Variants in ABCC9 observed in about 807,000 individuals in gnomAD.
ABCC9 encodes the protein ATP binding cassette subfamily C member 9.
ABCC9 carries 95 observed loss-of-function variants against 188.3 expected under a neutral mutation model. The observed-to-expected ratio is 0.50, with a 90% CI of 0.43 to 0.60. The LOEUF (loss-of-function observed/expected upper bound fraction) is 0.60, where lower values mean the gene tolerates loss of function less well. Ranked by LOEUF, ABCC9 falls within the 20% of genes least tolerant of loss-of-function variation. The pLI is 0.00. For missense variants in ABCC9, 1,102 were observed against 1,876.3 expected (o/e 0.59, Z 7.62); for synonymous variants, 659 against 652.7 (o/e 1.01, Z -0.15).
rs920128456 is a variant in ABCC9 at position 21,799,103 on chromosome 12, G to C, written c.*1941C>G. Reference sequence around the variant, plus strand: ...CACACTCTGGGGACTGTGGTGGGGTGGGGGGAGTGGGGAGGGATAGCATTG... The same window carrying C: ...CACACTCTGGGGACTGTGGTGGGGTCGGGGGAGTGGGGAGGGATAGCATTG... On this transcript the variant is annotated 3_prime_UTR_variant, in exon 40 of 40. Coordinates refer to ENST00000261200, the MANE Select transcript of ABCC9 (RefSeq NM_020297.4). 1.2e-4 allele frequency: 18 copies of C among 148,342 alleles called. No homozygotes were observed. Among genetic ancestry groups the C allele is most frequent in the Non-Finnish European group, 2.2e-4 (15 of 66,946 alleles). The allele number at this position is 148,342 out of a possible 1,614,324, so 9.2% of individuals were successfully genotyped here. A position where few individuals can be genotyped will look rare whatever the true frequency, so the allele number is the denominator to read the frequency against.
intron 22 of ABCC9, among the ~76,000 whole-genome samples, chr12:21,857,872 A>G (rs2137481801): frequency 6.6e-6 from 1 of 152,338 alleles, no homozygotes; most frequent in Non-Finnish European, 1.5e-5. Context: ...ATAAGATAAT[A>G]TAATAAATCT....
At chr12:21,939,735 G>A (rs968917166) in intron 2 of ABCC9, among the ~76,000 whole-genome samples, 5 of 152,214 alleles carry the variant, frequency 3.3e-5, no homozygotes, top group Non-Finnish European at 7.3e-5. Context: ...TTGTTTATGA[G>A]AGGTGATAGA....
intron 12 of ABCC9, among the ~76,000 whole-genome samples, chr12:21,903,362 A>C (rs1363843975): frequency 3.3e-5 from 5 of 152,188 alleles, no homozygotes; most frequent in African/African-American, 1.2e-4. Flanking sequence ...CCCTTTGAAA[A>C]CTGGCACAAG....
intron 24 of ABCC9, among the ~76,000 whole-genome samples, chr12:21,849,807 T>G (rs1944868371): frequency 6.6e-6 from 1 of 152,160 alleles, no homozygotes; most frequent in South Asian, 2.1e-4. Flanking sequence ...TGAGGAGTGT[T>G]AAATAATACC....
chr12:21,854,834 C>T (rs1039170956), intron 22 of ABCC9, among the ~76,000 whole-genome samples: 1 of 152,130 alleles, frequency 6.6e-6, no homozygotes, highest in Non-Finnish European at 1.5e-5. Context: ...TTTGCAGTTA[C>T]TTAAAAATGA....
chr12:21,829,431 G>C (rs981231788), intron 30 of ABCC9, among the ~76,000 whole-genome samples: 3 of 152,010 alleles, frequency 2.0e-5, no homozygotes, highest in Non-Finnish European at 4.4e-5. Context: ...TCGATCTCCT[G>C]ACCTTGTGAT....
At chr12:21,844,703 T>C (rs1182934884) in intron 27 of ABCC9, 64 bp downstream of exon 27, 119 of 1,602,798 alleles carry the variant, frequency 7.4e-5, no homozygotes, top group Non-Finnish European at 9.9e-5. Context: ...ACATTCCACT[T>C]AAATTGAAAA....
At chr12:21,927,691 A>G (rs936712760) in intron 4 of ABCC9, among the ~76,000 whole-genome samples, 10 of 152,214 alleles carry the variant, frequency 6.6e-5, no homozygotes, top group Non-Finnish European at 1.3e-4. Context: ...AAGGTGTCCA[A>G]TAAGCATGCA....
chr12:21,902,036 C>T (rs928273750), intron 12 of ABCC9, among the ~76,000 whole-genome samples: 1 of 152,146 alleles, frequency 6.6e-6, no homozygotes, highest in Non-Finnish European at 1.5e-5. Context: ...AAATTGACCA[C>T]ATAGTTGGAA....
chr12:21,892,066 C>T (rs1331077597), intron 14 of ABCC9, among the ~76,000 whole-genome samples: 1 of 152,184 alleles, frequency 6.6e-6, no homozygotes. Flanking sequence ...TTCTGTTTGG[C>T]CTATGGCTTG....
chr12:21,913,201 G>T, intron 7 of ABCC9, 135 bp from the exon 8 acceptor site: 1 of 741,698 alleles, frequency 1.3e-6, no homozygotes, highest in Non-Finnish European at 2.1e-6. Context: ...ATGTTAATGT[G>T]TGCCTTTCAG....
At chr12:21,888,831 TAAAA>T (rs1947004324) in intron 14 of ABCC9, among the ~76,000 whole-genome samples, 1 of 151,908 alleles carries the variant, frequency 6.6e-6, no homozygotes, top group African/African-American at 2.4e-5. Flanking sequence ...ATCCTAGAAA[TAAAA>T]TAATATACAA....
At chr12:21,862,192 A>C (rs1363715919) in intron 20 of ABCC9, among the ~76,000 whole-genome samples, 1 of 152,040 alleles carries the variant, frequency 6.6e-6, no homozygotes, top group East Asian at 1.9e-4. Flanking sequence ...AATTATTCCA[A>C]CTGACTCCTA....
At chr12:21,883,114 A>C (rs766291218) in intron 15 of ABCC9, among the ~76,000 whole-genome samples, 1 of 152,226 alleles carries the variant, frequency 6.6e-6, no homozygotes, top group Non-Finnish European at 1.5e-5. Context: ...CAAATGATGG[A>C]AGTTAAAGTA....
chr12:21,829,191 C>CTTTTTTTTTTTTT (rs11430045), intron 30 of ABCC9, 131 bp from the exon 31 acceptor site: 1 of 201,000 alleles, frequency 5.0e-6, no homozygotes, highest in Non-Finnish European at 9.1e-6. Flanking sequence ...AAATAGATTT[C>CTTTTTTTTTTTTT]TTTTTTTTTT....
intron 29 of ABCC9, among the ~76,000 whole-genome samples, chr12:21,841,181 A>G (rs377402898): frequency 6.6e-6 from 1 of 152,154 alleles, no homozygotes; most frequent in African/African-American, 2.4e-5. Flanking sequence ...TATACTATAT[A>G]TAGCGGGGTT....
intron 37 of ABCC9, among the ~76,000 whole-genome samples, chr12:21,808,238 T>G (rs545408245): frequency 6.6e-6 from 1 of 152,272 alleles, no homozygotes; most frequent in Non-Finnish European, 1.5e-5. Flanking sequence ...TAGGTATTTA[T>G]TCTCCAAATT....
In ABCC9 at chr12:21,925,942, C is replaced by A. The variant is rs1395854883; in HGVS notation, c.406G>T (p.Ala136Ser). 18 of 1,610,830 alleles carry A rather than the reference C, an allele frequency of 1.1e-5. No homozygotes were observed. Among genetic ancestry groups the A allele is most frequent in the Non-Finnish European group, 1.4e-5 (17 of 1,177,306 alleles). Residue 136 changes from alanine to serine, a missense_variant and splice_region_variant, in exon 5 of 40, where the codon GCC becomes TCC. Ala to Ser is a moderately conservative substitution (Grantham distance 99). Coordinates refer to ENST00000261200, the MANE Select transcript of ABCC9 (RefSeq NM_020297.4). ...AAACAACAAAAGTGATCATACTTAC[C>A]TAAAAGTAATTTAGGAAAATTTGAT... ...ETSNFPKLLL[A>S]LFLYWVMAFI...
At chr12:21,807,703 A>G (rs1021670563) in intron 37 of ABCC9, among the ~76,000 whole-genome samples, 3 of 152,218 alleles carry the variant, frequency 2.0e-5, no homozygotes, top group African/African-American at 7.2e-5. Flanking sequence ...ATTACCTCTG[A>G]TAGGAGGATA....
Sources: gnomAD v4.1 joint callset for allele counts (sites outside exome capture counted in the v4.1 genomes callset) on GRCh38, gnomAD v4.1.1 for gene constraint, MANE v1.5 for transcripts, NCBI Gene and HGNC (gene_info 2026-07-23, HGNC 2026-07-21) for gene names.